Variants in PTK2B observed in about 807,000 individuals in gnomAD.
PTK2B encodes protein-tyrosine kinase 2-beta.
A neutral mutation model predicts 142.9 loss-of-function variants in PTK2B; 71 were observed. That is an observed-to-expected ratio of 0.50 (90% CI 0.41 to 0.61). The LOEUF is 0.61. Ranked by LOEUF, PTK2B falls within the 20% of genes least tolerant of loss-of-function variation. The pLI, the probability that PTK2B is intolerant of heterozygous loss-of-function variation, is 0.00. For missense variants in PTK2B, 1,105 were observed against 1,320.4 expected, an observed-to-expected ratio of 0.84 and a Z score of 2.53; for synonymous variants, 519 against 503.4, an observed-to-expected ratio of 1.03 and a Z score of -0.42.
At chr8:27,451,418 A>G in intron 26 of PTK2B, 67 bp from the exon 27 acceptor site, 5 of 1,605,490 alleles carry the variant, frequency 3.1e-6, no homozygotes, top group African/African-American at 1.3e-5. Context: ...GGAATGGGTA[A>G]CCAGGGAGGG....
At chr8:27,406,384 C>A (rs914604115) in intron 2 of PTK2B, among the ~76,000 whole-genome samples, 2 of 152,210 alleles carry the variant, frequency 1.3e-5, no homozygotes, top group Non-Finnish European at 2.9e-5. Context: ...CCATTATGAC[C>A]TTCAATTCAG....
chr8:27,448,798 A>C (rs1325002076), intron 24 of PTK2B, among the ~76,000 whole-genome samples: 1 of 152,268 alleles, frequency 6.6e-6, no homozygotes, highest in African/African-American at 2.4e-5. Context: ...TTGTGTCTGC[A>C]GGTGTTGACA....
intron 1 of PTK2B, among the ~76,000 whole-genome samples, chr8:27,368,902 G>A (rs1205501802): frequency 6.6e-6 from 1 of 152,168 alleles, no homozygotes; most frequent in African/African-American, 2.4e-5. Context: ...GAAGGAGGAA[G>A]CAGGGGTGGG....
rs560542406 is a variant in PTK2B at position 27,363,308 on chromosome 8, G to A, written c.-37-34240G>A. Among the ~76,000 whole-genome samples, 18 of 152,340 alleles carry A rather than the reference G, an allele frequency of 1.2e-4. No individual in the cohort carries two copies. Among genetic ancestry groups the A allele is most frequent in the South Asian group, 6.2e-4 (3 of 4,826 alleles). On this transcript the variant is annotated intron_variant, in intron 1 of 30. Coordinates refer to ENST00000346049, the MANE Select transcript of PTK2B (RefSeq NM_173176.3). The surrounding 1 kb of genome is among the most constrained non-coding windows in gnomAD (Gnocchi z 4.3). ...GGTCCAGGGAAGGCCTGGGAGAGCAGAGGAGCTGTTTTCCACTAGTGAAAG... is the reference window on the plus strand; with the variant it reads ...GGTCCAGGGAAGGCCTGGGAGAGCAAAGGAGCTGTTTTCCACTAGTGAAAG...
intron 1 of PTK2B, among the ~76,000 whole-genome samples, chr8:27,368,480 C>G (rs748481112): frequency 6.6e-6 from 1 of 152,208 alleles, no homozygotes; most frequent in Non-Finnish European, 1.5e-5. Flanking sequence ...CAGCTGTTCC[C>G]CTTGTGGTAG....
At chr8:27,403,330 T>C (rs541495819) in intron 2 of PTK2B, among the ~76,000 whole-genome samples, 2 of 152,278 alleles carry the variant, frequency 1.3e-5, no homozygotes, top group South Asian at 4.1e-4. Context: ...TGGCAACACA[T>C]TTCCAAAACA....
At chr8:27,432,198 C>A in intron 9 of PTK2B, 62 bp from the exon 10 acceptor site, 1 of 1,505,264 alleles carries the variant, frequency 6.6e-7, no homozygotes, top group South Asian at 1.2e-5. Context: ...CCATACTGAC[C>A]AATCTGCATG....
intron 2 of PTK2B, among the ~76,000 whole-genome samples, chr8:27,419,398 G>C (rs567722723): frequency 1.3e-5 from 2 of 152,280 alleles, no homozygotes; most frequent in East Asian, 3.9e-4. Flanking sequence ...TCCATTCCGT[G>C]GGTTGTGGGA....
chr8:27,330,638 G>C (rs949680738), intron 1 of PTK2B, among the ~76,000 whole-genome samples: 9 of 152,186 alleles, frequency 5.9e-5, no homozygotes, highest in Admixed American at 5.2e-4. Context: ...GGGCGGCAGA[G>C]GGGGAGGGGA....
chr8:27,415,729 A>T (rs2131737807), intron 2 of PTK2B, among the ~76,000 whole-genome samples: 1 of 152,360 alleles, frequency 6.6e-6, no homozygotes, highest in African/African-American at 2.4e-5. Context: ...GATTAGCAGA[A>T]AATCATGGAG....
At chr8:27,311,232 C>A (rs1049055092), upstream of PTK2B, 1 of 1,535,412 alleles carries the variant, frequency 6.5e-7, no homozygotes, top group Non-Finnish European at 8.8e-7. Flanking sequence ...GGACTCCGCT[C>A]CATGGCACGA....
chr8:27,338,113 T>G (rs1286609461), intron 1 of PTK2B, among the ~76,000 whole-genome samples: 3 of 152,238 alleles, frequency 2.0e-5, no homozygotes, highest in South Asian at 2.1e-4. Flanking sequence ...TCCCTGATAA[T>G]TAATGATGGT....
intron 22 of PTK2B, among the ~76,000 whole-genome samples, chr8:27,443,603 T>C (rs1303537755): frequency 6.6e-6 from 1 of 152,218 alleles, no homozygotes; most frequent in Non-Finnish European, 1.5e-5. Flanking sequence ...GTGGTCTTTC[T>C]TTCTCTTCTT....
chr8:27,331,164 C>CTTTAAAT (rs1440737556), intron 1 of PTK2B, among the ~76,000 whole-genome samples: 17 of 152,194 alleles, frequency 1.1e-4, no homozygotes, highest in African/African-American at 3.6e-4. Context: ...TTCACATCTC[C>CTTTAAAT]TGCATTTGTC....
chr8:27,392,310 CT>C (rs56770013), intron 1 of PTK2B, among the ~76,000 whole-genome samples: 2,091 of 135,956 alleles, frequency 0.015, 34 homozygotes, highest in African/African-American at 0.044. Flanking sequence ...ACAAAGCGAG[CT>C]TTTTTTTTTT....
chr8:27,316,760 ACTT>A (rs1479699183), intron 3 of PTK2B, among the ~76,000 whole-genome samples: 2 of 152,340 alleles, frequency 1.3e-5, no homozygotes, highest in Middle Eastern at 3.4e-3. Flanking sequence ...TGCAGGGAGA[ACTT>A]CTGTGAGAAA....
At chr8:27,361,054 G>T (rs1196589093) in intron 1 of PTK2B, among the ~76,000 whole-genome samples, 2 of 152,098 alleles carry the variant, frequency 1.3e-5, no homozygotes, top group Admixed American at 1.3e-4. Flanking sequence ...TGGGCTTGTA[G>T]TGCAACCATC....
chr8:27,455,939 A>G (rs1019067498), intron 30 of PTK2B, among the ~76,000 whole-genome samples: 3 of 152,154 alleles, frequency 2.0e-5, no homozygotes, highest in Admixed American at 6.5e-5. Flanking sequence ...ACCACATCCC[A>G]CCACTGTCCC....
intron 12 of PTK2B, 76 bp downstream of exon 12, chr8:27,434,208 A>T: frequency 6.5e-7 from 1 of 1,529,676 alleles, no homozygotes; most frequent in Admixed American, 1.7e-5. Flanking sequence ...ATAAACTGGG[A>T]GTCCCCACCT....
Sources: allele counts gnomAD v4.1 joint callset (sites outside exome capture counted in the v4.1 genomes callset), GRCh38; gene constraint gnomAD v4.1.1; non-coding constraint Gnocchi (gnomAD v3.1); transcripts MANE v1.5; gene names NCBI Gene and HGNC (gene_info 2026-07-23, HGNC 2026-07-21).